Variants in FOXJ3 observed in about 807,000 individuals in gnomAD.
The protein encoded by FOXJ3 is forkhead box protein J3.
A neutral mutation model predicts 76.1 loss-of-function variants in FOXJ3; 22 were observed. The ratio of observed to expected loss-of-function variants is 0.29; its 90% CI spans 0.21 to 0.41. The LOEUF (loss-of-function observed/expected upper bound fraction) is 0.41. FOXJ3 is among the 10% of genes least tolerant of loss of function. The pLI is 1.00. For synonymous variants in FOXJ3, 269 were observed against 261.2 expected, an observed-to-expected ratio of 1.03 and a Z score of -0.29; for missense variants, 613 against 762.1, an observed-to-expected ratio of 0.80 and a Z score of 2.30.
chr1:42,283,405 T>C (rs931641917), intron 2 of FOXJ3, among the ~76,000 whole-genome samples: 5 of 152,188 alleles, frequency 3.3e-5, no homozygotes, highest in Non-Finnish European at 7.4e-5. Flanking sequence ...TATGATCCCA[T>C]GTATGCTTTT....
At chr1:42,183,868 G>A (rs1646380391) in intron 11 of FOXJ3, among the ~76,000 whole-genome samples, 1 of 152,010 alleles carries the variant, frequency 6.6e-6, no homozygotes. Context: ...GGGAAACAGG[G>A]ACAGAGGAAA....
At chr1:42,287,566 T>C (rs904563121) in intron 2 of FOXJ3, among the ~76,000 whole-genome samples, 15 of 152,170 alleles carry the variant, frequency 9.9e-5, no homozygotes, top group African/African-American at 3.6e-4. Flanking sequence ...TCACAATATG[T>C]TTATTGCTCT....
chr1:42,242,884 T>C (rs1363613297), intron 4 of FOXJ3, among the ~76,000 whole-genome samples: 1 of 152,226 alleles, frequency 6.6e-6, no homozygotes, highest in Non-Finnish European at 1.5e-5. Flanking sequence ...AAAGGTTTTC[T>C]TTGTGATACA....
chr1:42,218,837 C>T (rs1029677988), intron 5 of FOXJ3, among the ~76,000 whole-genome samples: 5 of 152,172 alleles, frequency 3.3e-5, no homozygotes, highest in African/African-American at 1.2e-4. Flanking sequence ...CACTACTCCT[C>T]CCTCCTCAAA....
At chr1:42,280,423 C>T in intron 2 of FOXJ3, 4 of 145,560 alleles carry the variant, frequency 2.7e-5, no homozygotes, top group Non-Finnish European at 4.5e-5. Flanking sequence ...ATCCATATAG[C>T]ATCTTCAGAG....
intron 1 of FOXJ3, among the ~76,000 whole-genome samples, chr1:42,318,840 T>C (rs1005313674): frequency 2.0e-5 from 3 of 152,162 alleles, no homozygotes; most frequent in African/African-American, 7.2e-5. Flanking sequence ...AGAGTTACCA[T>C]ATGACCCAGA....
At chr1:42,249,191 C>T (rs1021615032) in intron 4 of FOXJ3, among the ~76,000 whole-genome samples, 1 of 152,008 alleles carries the variant, frequency 6.6e-6, no homozygotes, top group African/African-American at 2.4e-5. Context: ...GTGAACAGTG[C>T]TGCAATAAAC....
At chr1:42,265,230 A>G in intron 3 of FOXJ3, 41 bp from the exon 4 acceptor site, 1 of 1,067,142 alleles carries the variant, frequency 9.4e-7, no homozygotes, top group Non-Finnish European at 1.4e-6. Flanking sequence ...AATAAAATCC[A>G]AAAAACATAA....
At chr1:42,186,620 G>A (rs1646441461) in intron 11 of FOXJ3, among the ~76,000 whole-genome samples, 1 of 152,098 alleles carries the variant, frequency 6.6e-6, no homozygotes, top group Non-Finnish European at 1.5e-5. Flanking sequence ...GGAACAAAGG[G>A]CTTCAGGAAA....
At chr1:42,292,193 A>C (rs867403071) in intron 2 of FOXJ3, among the ~76,000 whole-genome samples, 4 of 152,242 alleles carry the variant, frequency 2.6e-5, no homozygotes, top group African/African-American at 9.6e-5. Flanking sequence ...CTACACTGAG[A>C]TATCACTACA....
intron 5 of FOXJ3, among the ~76,000 whole-genome samples, chr1:42,211,444 G>A (rs1260421592): frequency 6.6e-6 from 1 of 151,962 alleles, no homozygotes; most frequent in East Asian, 1.9e-4. Flanking sequence ...AGACAGCTTT[G>A]GTGGTTTCCT....
At chr1:42,190,183 G>C (rs1646514502) in intron 9 of FOXJ3, among the ~76,000 whole-genome samples, 1 of 152,228 alleles carries the variant, frequency 6.6e-6, no homozygotes, top group African/African-American at 2.4e-5. Context: ...CCTTCAATGA[G>C]ACAGCAGTGC....
intron 11 of FOXJ3, among the ~76,000 whole-genome samples, chr1:42,183,916 C>G (rs1184802215): frequency 6.6e-6 from 1 of 152,038 alleles, no homozygotes; most frequent in African/African-American, 2.4e-5. Context: ...GACTTCTGAC[C>G]CCCTGTCCCT....
chr1:42,183,271 A>T (rs1455993916), intron 11 of FOXJ3, among the ~76,000 whole-genome samples: 1 of 122,940 alleles, frequency 8.1e-6, no homozygotes, highest in Non-Finnish European at 1.7e-5. Context: ...AAGAGAGAGG[A>T]GAGCGGAGAG....
Position 42,307,747 on chromosome 1 carries a change from A to AT in FOXJ3, c.44+3302dup, listed in dbSNP as rs568251088. Reference sequence around the variant, plus strand: ...TATCACTACAAACTACTTTGCAGCCATTTTTTTAAGGAAAATTTAGAGGGT... The same window carrying AT: ...TATCACTACAAACTACTTTGCAGCCATTTTTTTTAAGGAAAATTTAGAGGGT... On this transcript the variant is annotated intron_variant, in intron 2 of 12. Coordinates refer to ENST00000361346, the MANE Select transcript of FOXJ3 (RefSeq NM_014947.5). Among the ~76,000 whole-genome samples the AT allele has an allele frequency of 6.1e-3, 933 of 152,276 alleles. 7 individuals are homozygous for AT. The highest frequency in any genetic ancestry group is 0.021 in the African/African-American group (882 of 41,564).
In FOXJ3 at chr1:42,183,992, TG is replaced by T. The variant is rs373491585; in HGVS notation, c.1646-1969del. Among the ~76,000 whole-genome samples the T allele has an allele frequency of 5.0e-3, 764 of 152,262 alleles. 7 individuals are homozygous for T. The highest frequency in any genetic ancestry group is 0.017 in the African/African-American group (702 of 41,524). On this transcript the variant is annotated intron_variant, in intron 11 of 12. Coordinates refer to ENST00000361346, the MANE Select transcript of FOXJ3 (RefSeq NM_014947.5). ...GTCAGAACTGACCTCTTTGACTGAC[TG>T]ACCATACTGATGATTTAGAAAGAAA...
intron 12 of FOXJ3, 43 bp downstream of exon 12, chr1:42,181,871 ACAC>A (rs1646329011): frequency 2.6e-6 from 3 of 1,142,444 alleles, no homozygotes; most frequent in African/African-American, 1.5e-5. Flanking sequence ...GTGCTCACAC[ACAC>A]ACACACACAC....
chr1:42,329,290 C>A (rs559987646), intron 1 of FOXJ3, among the ~76,000 whole-genome samples: 1 of 152,184 alleles, frequency 6.6e-6, no homozygotes, highest in African/African-American at 2.4e-5. Context: ...ATAACAAATT[C>A]TATTAAATCA....
chr1:42,227,273 A>G (rs938883834), intron 5 of FOXJ3, among the ~76,000 whole-genome samples: 1 of 152,246 alleles, frequency 6.6e-6, no homozygotes, highest in African/African-American at 2.4e-5. Context: ...GAGATGCTGG[A>G]AATGCAGAAA....
Sources: gnomAD v4.1 joint callset for allele counts (sites outside exome capture counted in the v4.1 genomes callset) on GRCh38, gnomAD v4.1.1 for gene constraint, MANE v1.5 for transcripts, NCBI Gene and HGNC (gene_info 2026-07-23, HGNC 2026-07-21) for gene names.